Variants in GRID2 observed in about 807,000 individuals in gnomAD.
GRID2 encodes glutamate receptor ionotropic, delta-2.
A neutral mutation model predicts 114.8 loss-of-function variants in GRID2; 33 were observed. The observed-to-expected ratio is 0.29, with a 90% CI of 0.22 to 0.38. GRID2 has a LOEUF of 0.38. Ranked by LOEUF, GRID2 falls within the 10% of genes least tolerant of loss-of-function variation. GRID2 has a pLI of 1.00. For synonymous variants in GRID2, 505 were observed against 449.9 expected (o/e 1.12, Z -1.55); for missense variants, 1,184 against 1,257.7 (o/e 0.94, Z 0.89).
At chr4:93,322,800 T>C (rs555016376) in intron 8 of GRID2, among the ~76,000 whole-genome samples, 2 of 152,354 alleles carry the variant, frequency 1.3e-5, no homozygotes, top group Admixed American at 1.3e-4. Flanking sequence ...TGGGCAGTGA[T>C]GATGAGCATT....
chr4:92,801,858 T>C (rs1418470139), intron 2 of GRID2, among the ~76,000 whole-genome samples: 1 of 151,826 alleles, frequency 6.6e-6, no homozygotes, highest in African/African-American at 2.4e-5. Context: ...ATAAAGAAAC[T>C]GAGGAGAAAG....
chr4:92,870,383 C>T (rs1178162832), intron 2 of GRID2, among the ~76,000 whole-genome samples: 3 of 151,748 alleles, frequency 2.0e-5, no homozygotes, highest in African/African-American at 7.3e-5. Flanking sequence ...ATTTTATTCA[C>T]GTTGAATGCA....
At chr4:93,378,485 C>G (rs1388611944) in intron 8 of GRID2, among the ~76,000 whole-genome samples, 2 of 152,022 alleles carry the variant, frequency 1.3e-5, no homozygotes, top group Non-Finnish European at 2.9e-5. Context: ...TTCATTTACT[C>G]TGGATTTTAT....
chr4:92,557,482 A>G (rs556918246), intron 1 of GRID2, among the ~76,000 whole-genome samples: 1 of 151,456 alleles, frequency 6.6e-6, no homozygotes, highest in Admixed American at 6.6e-5. Context: ...AGTATATCCT[A>G]ACACATATAT....
chr4:93,645,965 C>G (rs796485376), intron 14 of GRID2, among the ~76,000 whole-genome samples: 1 of 152,266 alleles, frequency 6.6e-6, no homozygotes, highest in African/African-American at 2.4e-5. Flanking sequence ...ATCCTATCAT[C>G]ACTATGACTA....
Position 93,617,905 on chromosome 4 carries a change from T to C in GRID2, c.2194-8364T>C, listed in dbSNP as rs1239196047. ...GACAGCAACTGTGGGAAACATAATC[T>C]ATGCCATATCCATCTGCTACAAAAA... is the stretch of plus-strand genomic sequence containing the variant. On this transcript the variant is annotated intron_variant, in intron 13 of 15. Transcript: ENST00000282020. Among the ~76,000 whole-genome samples the C allele has an allele frequency of 2.0e-5, 3 of 152,258 alleles. No homozygotes were observed. In the East Asian group the frequency reaches 5.8e-4, roughly 29 times the overall value.
chr4:92,563,106 T>C (rs1017019995), intron 1 of GRID2, among the ~76,000 whole-genome samples: 3 of 152,168 alleles, frequency 2.0e-5, no homozygotes, highest in African/African-American at 7.2e-5. Context: ...GTAACTATTA[T>C]CAGAGTGATT....
intron 7 of GRID2, among the ~76,000 whole-genome samples, chr4:93,229,088 T>C (rs1475475067): frequency 2.6e-5 from 4 of 152,142 alleles, no homozygotes; most frequent in Admixed American, 2.0e-4. Flanking sequence ...GTTTGAATAA[T>C]GTACATGATT....
intron 2 of GRID2, among the ~76,000 whole-genome samples, chr4:92,626,252 G>A (rs967878567): frequency 6.6e-6 from 1 of 151,878 alleles, no homozygotes; most frequent in Non-Finnish European, 1.5e-5. Context: ...TGTGGTAAGA[G>A]CATCACACAA....
At chr4:92,540,262 A>G (rs1725863767) in intron 1 of GRID2, among the ~76,000 whole-genome samples, 1 of 152,176 alleles carries the variant, frequency 6.6e-6, no homozygotes, top group Non-Finnish European at 1.5e-5. Flanking sequence ...TAAAACACCA[A>G]AAGCAACGGC....
intron 2 of GRID2, among the ~76,000 whole-genome samples, chr4:92,961,074 C>A (rs946001534): frequency 2.0e-5 from 3 of 151,856 alleles, no homozygotes; most frequent in Non-Finnish European, 2.9e-5. Flanking sequence ...TTTCTAACTT[C>A]TTAAAAAATA....
In GRID2 at chr4:93,115,092, TTGTG is replaced by T. The variant is rs546827152; in HGVS notation, c.735+4167_735+4170del. Reference sequence around the variant, plus strand: ...CAATTCAGAATGTGTCTGTGTGTGCTTGTGTGTGTGTGTGTGTGTGTGTGTGTGT... The same window carrying T: ...CAATTCAGAATGTGTCTGTGTGTGCTTGTGTGTGTGTGTGTGTGTGTGTGT... On this transcript the variant is annotated intron_variant, in intron 4 of 15. Transcript: ENST00000282020. Among the ~76,000 whole-genome samples the T allele has an allele frequency of 3.1e-3, 445 of 142,756 alleles. 3 individuals carry two copies. Among genetic ancestry groups the T allele is most frequent in the African/African-American group, 6.3e-3 (250 of 39,464 alleles). 93.7% of individuals were successfully genotyped at this position (142,756 alleles called of 152,430 possible).
Position 93,510,026 on chromosome 4 carries a change from TA to T in GRID2, c.1998-5189del, listed in dbSNP as rs200841431. ...CCAAAGGAGAAAACTGAGAAGAGAA[TA>T]GGGGGGAACCTAAACTGAGTTGGAG... On this transcript the variant is annotated intron_variant, in intron 12 of 15. Coordinates refer to ENST00000282020, the MANE Select transcript of GRID2 (RefSeq NM_001510.4). Among the ~76,000 whole-genome samples, 605 of 152,272 alleles carry T rather than the reference TA, an allele frequency of 4.0e-3. 6 individuals carry two copies. The highest frequency in any genetic ancestry group is 0.012 in the African/African-American group (517 of 41,554).
intron 3 of GRID2, among the ~76,000 whole-genome samples, chr4:93,105,474 T>G (rs1732130299): frequency 6.6e-6 from 1 of 152,292 alleles, no homozygotes; most frequent in East Asian, 1.9e-4. Flanking sequence ...CATCTTGAAT[T>G]AATTTTTGTA....
chr4:92,795,612 A>G (rs1163250351), intron 2 of GRID2, among the ~76,000 whole-genome samples: 1 of 152,008 alleles, frequency 6.6e-6, no homozygotes, highest in African/African-American at 2.4e-5. Context: ...AAATGTGTCT[A>G]TACCATACCA....
intron 8 of GRID2, among the ~76,000 whole-genome samples, chr4:93,370,444 C>G (rs1762765922): frequency 6.6e-6 from 1 of 150,558 alleles, no homozygotes; most frequent in African/African-American, 2.4e-5. Flanking sequence ...CACAGGCACA[C>G]ACACACACGC....
At chr4:92,384,494 A>AT (rs1491250274) in intron 1 of GRID2, among the ~76,000 whole-genome samples, 1 of 46,684 alleles carries the variant, frequency 2.1e-5, no homozygotes, top group Non-Finnish European at 3.4e-5. Context: ...TATATATAAT[A>AT]AAAATATATA....
chr4:92,509,999 T>C (rs1162767403), intron 1 of GRID2, among the ~76,000 whole-genome samples: 2 of 151,930 alleles, frequency 1.3e-5, no homozygotes, highest in Non-Finnish European at 2.9e-5. Flanking sequence ...TAATGTCATA[T>C]TCTGACATAT....
intron 2 of GRID2, among the ~76,000 whole-genome samples, chr4:92,915,288 A>C (rs1222700745): frequency 1.3e-5 from 2 of 152,150 alleles, no homozygotes; most frequent in Admixed American, 1.3e-4. Flanking sequence ...AGCATAGATT[A>C]GTTCTACCAT....
Sources: gnomAD v4.1 joint callset for allele counts (sites outside exome capture counted in the v4.1 genomes callset) on GRCh38, gnomAD v4.1.1 for gene constraint, MANE v1.5 for transcripts, NCBI Gene and HGNC (gene_info 2026-07-23, HGNC 2026-07-21) for gene names.